The following CAPZA1 variants were observed in gnomAD, a reference collection of about 807,000 sequenced individuals.
The protein encoded by CAPZA1 is capping actin protein of muscle Z-line subunit alpha 1.
In CAPZA1, 10 loss-of-function variants were observed where a neutral mutation model predicts 40.8. The ratio of observed to expected loss-of-function variants is 0.25; its 90% confidence interval spans 0.15 to 0.42. The LOEUF is 0.42. CAPZA1 is among the 10% of genes least tolerant of loss of function. The pLI, the probability that CAPZA1 is intolerant of heterozygous loss-of-function variation, is 1.00. For missense variants in CAPZA1, 277 were observed against 353.8 expected (o/e 0.78, Z 1.74); for synonymous variants, 98 against 115.0 (o/e 0.85, Z 0.95).
Position 112,654,698 on chromosome 1 carries a change from A to G in CAPZA1, c.426+27A>G, listed in dbSNP as rs748030133. 3 of 1,483,684 alleles carry G rather than the reference A, an allele frequency of 2.0e-6. No individual in the cohort carries two copies. In the East Asian group the frequency reaches 6.8e-5, roughly 34 times the overall value. 91.9% of individuals were successfully genotyped at this position (1,483,684 alleles called of 1,614,324 possible). On this transcript the variant is annotated intron_variant, in intron 5 of 9. Coordinates refer to ENST00000263168, the MANE Select transcript of CAPZA1 (RefSeq NM_006135.3). ...TTAAGTATCTGACTGCTTCGTTATC[A>G]GAGAGTGTTTTCTTATATTTACCTT...
At chr1:112,659,391 G>A in intron 6 of CAPZA1, 1 of 525,692 alleles carries the variant, frequency 1.9e-6, no homozygotes, top group Non-Finnish European at 3.4e-6. Flanking sequence ...TAACTCAGCA[G>A]CCTATTCATC....
At chr1:112,639,942 CGCCCCGTCCGGG>C in intron 1 of CAPZA1, among the ~76,000 whole-genome samples, 1 of 106,848 alleles carries the variant, frequency 9.4e-6, no homozygotes, top group African/African-American at 3.3e-5. Flanking sequence ...CCCGGCCAGC[CGCCCCGTCCGGG>C]AGGGAGGTGG....
At chr1:112,658,981 A>G (rs1375072370) in intron 5 of CAPZA1, 41 bp from the exon 6 acceptor site, 4 of 1,382,534 alleles carry the variant, frequency 2.9e-6, no homozygotes, top group Non-Finnish European at 4.1e-6. Flanking sequence ...TTAAATTAAA[A>G]GTGTTTGGAG....
chr1:112,629,504 T>A (rs1350848634), intron 1 of CAPZA1, among the ~76,000 whole-genome samples: 1 of 152,174 alleles, frequency 6.6e-6, no homozygotes, highest in Non-Finnish European at 1.5e-5. Context: ...ACATAGTGGG[T>A]CTTCTGATAT....
intron 1 of CAPZA1, among the ~76,000 whole-genome samples, chr1:112,631,322 A>G (rs1403275560): frequency 6.6e-6 from 1 of 152,188 alleles, no homozygotes; most frequent in Non-Finnish European, 1.5e-5. Context: ...AGTGATGTCT[A>G]GGTATTTGCT....
chr1:112,664,725 A>G (rs1185603098), intron 7 of CAPZA1, among the ~76,000 whole-genome samples: 1 of 152,194 alleles, frequency 6.6e-6, no homozygotes, highest in Non-Finnish European at 1.5e-5. Flanking sequence ...TCACAAGGTC[A>G]GGAGTTCGAG....
At chr1:112,640,162 C>T (rs1671117732) in intron 1 of CAPZA1, among the ~76,000 whole-genome samples, 1 of 120,590 alleles carries the variant, frequency 8.3e-6, no homozygotes, top group East Asian at 2.7e-4. Context: ...CCCCACCCGG[C>T]CAGCCGCCCA....
intron 9 of CAPZA1, 77 bp downstream of exon 9, chr1:112,669,682 TG>T: frequency 9.7e-7 from 1 of 1,033,834 alleles, no homozygotes; most frequent in Non-Finnish European, 1.5e-6. Flanking sequence ...TTAGGCCTTG[TG>T]TCCTTTAATG....
chr1:112,619,963 A>T (rs1363860943), intron 1 of CAPZA1, 80 bp downstream of exon 1: 2 of 1,160,154 alleles, frequency 1.7e-6, no homozygotes, highest in Admixed American at 4.3e-5. Flanking sequence ...GGAGCCTAGC[A>T]GTGTCCCCAG....
In CAPZA1 at chr1:112,645,716, G is replaced by A. The variant is rs532817474; in HGVS notation, c.40-1494G>A. Among the ~76,000 whole-genome samples the A allele has an allele frequency of 3.6e-3, 494 of 138,530 alleles. 1 individual carries two copies. The highest frequency in any genetic ancestry group is 6.1e-3 in the Non-Finnish European group (400 of 66,070). The allele number at this position is 138,530 out of a possible 152,430, so 90.9% of individuals were successfully genotyped here. A position where few individuals can be genotyped will look rare whatever the true frequency, so the allele number is the denominator to read the frequency against. The stretch of plus-strand genomic sequence containing the variant: ...TATACACACTAAAATAAATTGCTTT[G>A]CTCTACATACTTGCCAGTGCAAAAA... On this transcript the variant is annotated intron_variant, in intron 1 of 9. Coordinates refer to ENST00000263168, the MANE Select transcript of CAPZA1 (RefSeq NM_006135.3).
intron 7 of CAPZA1, among the ~76,000 whole-genome samples, chr1:112,660,397 C>T (rs1043015591): frequency 1.4e-4 from 21 of 152,196 alleles, no homozygotes; most frequent in Admixed American, 1.2e-3. Context: ...TCTCCTGCCT[C>T]GGCCTCCCGA....
chr1:112,661,620 CTG>C (rs988022106), intron 7 of CAPZA1, among the ~76,000 whole-genome samples: 14 of 152,334 alleles, frequency 9.2e-5, no homozygotes, highest in Admixed American at 2.0e-4. Context: ...TCTCTTGTAA[CTG>C]TGGCATTAGC....
At chr1:112,648,963 C>CA (rs34641909) in intron 2 of CAPZA1, among the ~76,000 whole-genome samples, 28,671 of 132,586 alleles carry the variant, frequency 0.22, 3,425 homozygotes, top group East Asian at 0.49. Context: ...GACTTCGTCT[C>CA]AAAAAAAAAA....
chr1:112,627,636 C>CAAAAAAA (rs3034524), intron 1 of CAPZA1, among the ~76,000 whole-genome samples: 49 of 50,774 alleles, frequency 9.7e-4, no homozygotes, highest in African/African-American at 3.8e-3. Flanking sequence ...GACTCTGTCT[C>CAAAAAAA]AAAAAAAAAA....
intron 7 of CAPZA1, among the ~76,000 whole-genome samples, chr1:112,662,047 T>C (rs1671622726): frequency 6.6e-6 from 1 of 152,248 alleles, no homozygotes; most frequent in African/African-American, 2.4e-5. Context: ...TGTTAGTTAA[T>C]TGAACCATTT....
chr1:112,633,284 G>A (rs1670957388), intron 1 of CAPZA1, among the ~76,000 whole-genome samples: 1 of 151,570 alleles, frequency 6.6e-6, no homozygotes, highest in African/African-American at 2.4e-5. Context: ...TCTATTCTCT[G>A]TTTCTCTGAC....
At chr1:112,654,372 A>C in intron 4 of CAPZA1, 93 bp from the exon 5 acceptor site, 1 of 744,156 alleles carries the variant, frequency 1.3e-6, no homozygotes, top group South Asian at 2.1e-5. Context: ...ATGAAAAGTT[A>C]ACTGCCTCAG....
At position 112,653,571 on chromosome 1, in the gene CAPZA1, TTTTA is replaced by T. The variant is rs777239858; in HGVS notation, c.156-26_156-23del. 331 of 1,433,538 alleles carry T rather than the reference TTTTA, an allele frequency of 2.3e-4. 2 individuals carry two copies. The South Asian group carries it at 2.5e-3, about 11-fold the overall frequency. The allele number at this position is 1,433,538 out of a possible 1,614,324, so 88.8% of individuals were successfully genotyped here. A position where few individuals can be genotyped will look rare whatever the true frequency, so the allele number is the denominator to read the frequency against. On this transcript the variant is annotated intron_variant, in intron 3 of 9. Coordinates refer to ENST00000263168, the MANE Select transcript of CAPZA1 (RefSeq NM_006135.3). Reference sequence around the variant, plus strand: ...TCTCTCTCCCTCTTTTTTTTTTTTTTTTTAAAAAACTTTTAAAAAAAAACAGTGC... The same window carrying T: ...TCTCTCTCCCTCTTTTTTTTTTTTTTAAAAACTTTTAAAAAAAAACAGTGC...
intron 7 of CAPZA1, among the ~76,000 whole-genome samples, chr1:112,666,414 A>G (rs973296659): frequency 7.2e-5 from 11 of 152,326 alleles, no homozygotes; most frequent in African/African-American, 2.6e-4. Context: ...GACTAAACCT[A>G]TCTTAAGTTG....
Sources: gnomAD v4.1 joint callset for allele counts (sites outside exome capture counted in the v4.1 genomes callset) on GRCh38, gnomAD v4.1.1 for gene constraint, MANE v1.5 for transcripts, NCBI Gene and HGNC (gene_info 2026-07-23, HGNC 2026-07-21) for gene names.